ERN1: variants seen among roughly 807,000 people sequenced by gnomAD.
The protein encoded by ERN1 is serine/threonine-protein kinase/endoribonuclease IRE1.
In ERN1, 39 loss-of-function variants were observed where a neutral mutation model predicts 113.1. The ratio of observed to expected loss-of-function variants is 0.34; its 90% CI spans 0.27 to 0.45. The LOEUF (loss-of-function observed/expected upper bound fraction) is 0.45, where lower values mean the gene tolerates loss of function less well. Among genes scored for constraint, ERN1 ranks in the 20% least tolerant of loss-of-function variants. The pLI is 1.00. For synonymous variants in ERN1, 507 were observed against 515.9 expected (o/e 0.98, Z 0.23); for missense variants, 976 against 1,274.8 (o/e 0.77, Z 3.57).
intron 20 of ERN1, among the ~76,000 whole-genome samples, chr17:64,045,153 C>T (rs151143769): frequency 1.2e-4 from 18 of 152,178 alleles, no homozygotes; most frequent in African/African-American, 4.3e-4. Context: ...GAGCACGACA[C>T]CATCACTCAC....
chr17:64,076,843 G>A (rs1228216665), intron 4 of ERN1, among the ~76,000 whole-genome samples: 2 of 152,036 alleles, frequency 1.3e-5, no homozygotes, highest in African/African-American at 4.8e-5. Context: ...CTTGTGATCC[G>A]CCCGCCTCGG....
intron 1 of ERN1, among the ~76,000 whole-genome samples, chr17:64,117,828 T>A (rs948742087): frequency 3.3e-5 from 5 of 152,178 alleles, no homozygotes; most frequent in Non-Finnish European, 7.4e-5. Flanking sequence ...CCTGCAGAAT[T>A]TTATCACCTT....
At position 64,049,221 on chromosome 17, in the gene ERN1, C is replaced by T. The variant is rs749098191; in HGVS notation, c.2254-19G>A. 2.9e-5 allele frequency: 45 copies of T among 1,556,680 alleles called. No homozygotes were observed. Among genetic ancestry groups the T allele is most frequent in the South Asian group, 1.9e-4 (16 of 86,048 alleles). On this transcript the variant is annotated intron_variant, in intron 17 of 21. Coordinates refer to ENST00000433197, the MANE Select transcript of ERN1 (RefSeq NM_001433.5). This position sits in a 1 kb window ranked among gnomAD's most constrained non-coding sequence, Gnocchi z 4.7. ...TGTAGGTCTGAAAAGAGACATGAGGCGTGAGAGGTCTGGGAGCAGAGTTTT... is the reference window on the plus strand; with the variant it reads ...TGTAGGTCTGAAAAGAGACATGAGGTGTGAGAGGTCTGGGAGCAGAGTTTT...
Position 64,047,835 on chromosome 17 carries a change from A to C in ERN1, c.2529+23T>G, listed in dbSNP as rs1156768902. 5.8e-6 allele frequency: 9 copies of C among 1,561,720 alleles called. No homozygotes were observed. The East Asian group carries it at 1.3e-4, about 23-fold the overall frequency. On this transcript the variant is annotated intron_variant, in intron 19 of 21. Coordinates refer to ENST00000433197, the MANE Select transcript of ERN1 (RefSeq NM_001433.5). ...GAAAAACATTAAATGAAGACTCTGG[A>C]TAAAGAGAACAGACGTCTCTACCTG...
chr17:64,072,036 C>T lies in ERN1; in HGVS notation c.423G>A (p.Ser141=), dbSNP rs763718430. 58 of 1,605,354 alleles carry T rather than the reference C, an allele frequency of 3.6e-5. No individual in the cohort carries two copies. The Middle Eastern group carries it at 1.2e-3, about 32-fold the overall frequency. The change falls in exon 6 of 22, where the codon TCG becomes TCA. Residue 141 remains serine (S), a synonymous_variant. Coordinates refer to ENST00000433197, the MANE Select transcript of ERN1 (RefSeq NM_001433.5). ...ATGGGCAGAGACTATCTGCAAAGGC[C>T]GATGACAAAGTCTGCTGCTTCTCTC... ...LTGEKQQTLS[S]AFADSLCPST...
At chr17:64,079,603 C>T (rs1913703286) in intron 4 of ERN1, 59 bp downstream of exon 4, 1 of 1,365,596 alleles carries the variant, frequency 7.3e-7, no homozygotes, top group South Asian at 1.2e-5. Flanking sequence ...TGTGCAGACA[C>T]ACTTAAGGAC....
intron 1 of ERN1, among the ~76,000 whole-genome samples, chr17:64,103,275 T>C (rs1358357228): frequency 6.6e-6 from 1 of 152,056 alleles, no homozygotes; most frequent in Non-Finnish European, 1.5e-5. Context: ...GGTGGGCGGA[T>C]CACTTGAGGT....
At chr17:64,089,380 G>A (rs1036535219) in intron 2 of ERN1, among the ~76,000 whole-genome samples, 8 of 140,630 alleles carry the variant, frequency 5.7e-5, no homozygotes, top group South Asian at 2.4e-4. Flanking sequence ...TCCCAAATCC[G>A]AAAATCCAAA....
intron 2 of ERN1, among the ~76,000 whole-genome samples, chr17:64,089,673 G>A (rs1219762290): frequency 6.6e-6 from 1 of 152,134 alleles, no homozygotes; most frequent in African/African-American, 2.4e-5. Flanking sequence ...TCACAAAGGT[G>A]CTGCAACAGA....
intron 1 of ERN1, among the ~76,000 whole-genome samples, chr17:64,128,323 T>G (rs1915137321): frequency 6.6e-6 from 1 of 152,106 alleles, no homozygotes; most frequent in African/African-American, 2.4e-5. Context: ...ACCTTTCACC[T>G]AAATATAGTT....
chr17:64,070,755 A>G (rs1913385528), intron 6 of ERN1, among the ~76,000 whole-genome samples: 1 of 152,206 alleles, frequency 6.6e-6, no homozygotes, highest in South Asian at 2.1e-4. Flanking sequence ...GGTTTTTGGT[A>G]TAATTTCTTC....
intron 6 of ERN1, 69 bp downstream of exon 6, chr17:64,071,909 AAGG>A: frequency 6.6e-7 from 1 of 1,524,662 alleles, no homozygotes; most frequent in Non-Finnish European, 8.9e-7. Context: ...CCTTCTAGGG[AAGG>A]AGGCTGGGGA....
intron 2 of ERN1, among the ~76,000 whole-genome samples, chr17:64,091,065 A>G (rs528942851): frequency 1.3e-4 from 20 of 152,376 alleles, no homozygotes; most frequent in African/African-American, 3.6e-4. Context: ...GAGGGTAAAA[A>G]GGTAGATGAT....
rs759734370 is a variant in ERN1, at chr17:64,045,479, C to T, written c.2533G>A (p.Val845Met). Residue 845 changes from valine (V) to methionine (M), a missense_variant, in exon 20 of 22, where the codon GTG becomes ATG. Around this residue, in one of 5 missense-constraint regions of ERN1, gnomAD observed 297 missense variants for 457.8 expected, o/e 0.65. Transcript: ENST00000433197. The stretch of plus-strand genomic sequence containing the variant: ...GATTCCTTTTCTATTCTGTCGCTCA[C>T]GTCCTGTGAGAGAAACAAGGGCAGC... ...LEKQLQFFQD[V>M]SDRIEKESLD... The T allele has an allele frequency of 2.5e-6, 4 of 1,613,914 alleles. No homozygotes were observed. The highest frequency in any genetic ancestry group is 2.2e-5 in the South Asian group (2 of 91,084).
intron 12 of ERN1, among the ~76,000 whole-genome samples, chr17:64,056,849 A>C (rs1912887851): frequency 6.6e-6 from 1 of 152,234 alleles, no homozygotes. Flanking sequence ...GAGTGAGGTG[A>C]AAAGTGAAAC....
intron 1 of ERN1, among the ~76,000 whole-genome samples, chr17:64,107,317 A>AT (rs1914555785): frequency 6.6e-6 from 1 of 152,118 alleles, no homozygotes; most frequent in Admixed American, 6.6e-5. Flanking sequence ...TACAAAAAAA[A>AT]TTTGTTTTGT....
Position 64,080,776 on chromosome 17 carries a change from C to G in ERN1, c.208G>C (p.Glu70Gln), listed in dbSNP as rs766009058. 6.2e-7 allele frequency: 1 copy of G among 1,610,374 alleles called. No individual in the cohort carries two copies. The highest frequency in any genetic ancestry group is 1.1e-5 in the South Asian group (1 of 90,104). The change falls in exon 3 of 22, where the codon GAG becomes CAG. Residue 70 changes from glutamate to glutamine, a missense_variant and splice_region_variant. By Grantham distance (29) the Glu-to-Gln change is conservative. Coordinates refer to ENST00000433197, the MANE Select transcript of ERN1 (RefSeq NM_001433.5). ...TACTGAGCGAATCAGAAAACTTACT[C>G]TTCCACATGTGTTGGGACCTGCAGG... The part of the protein sequence containing the change: ...PVLQVPTHVE[E>Q]PAFLPDPNDG...
chr17:64,047,109 A>G (rs1230710962), intron 19 of ERN1, among the ~76,000 whole-genome samples: 10 of 152,228 alleles, frequency 6.6e-5, no homozygotes, highest in Non-Finnish European at 2.9e-5. Flanking sequence ...CTGTAATCCC[A>G]GCACTTTGGG....
At position 64,066,761 on chromosome 17, in the gene ERN1, C is replaced by T. The variant is rs771615074; in HGVS notation, c.752G>A (p.Arg251His). ...CTCCCCAGACATGAAGGTCAGATAG[C>T]GCAGGGTCTCCACAGCGACATTGAT... is the stretch of plus-strand genomic sequence containing the variant. The part of the protein sequence containing the change: ...MHINVAVETL[R>H]YLTFMSGEVG... Residue 251 changes from arginine to histidine, a missense_variant, in exon 8 of 22, where the codon CGC becomes CAC. Arg to His is a conservative substitution (Grantham distance 29). Transcript: ENST00000433197. The T allele has an allele frequency of 1.9e-5, 30 of 1,613,796 alleles. No individual in the cohort carries two copies. The highest frequency in any genetic ancestry group is 4.0e-5 in the African/African-American group (3 of 74,886).
Sources: gnomAD v4.1 joint callset for allele counts (sites outside exome capture counted in the v4.1 genomes callset) on GRCh38, gnomAD v4.1.1 for gene constraint, gnomAD v4.1.1 regional missense constraint, Gnocchi (gnomAD v3.1) non-coding constraint, MANE v1.5 for transcripts, NCBI Gene and HGNC (gene_info 2026-07-23, HGNC 2026-07-21) for gene names.